The following ZFP64 variants were observed in gnomAD, a reference collection of about 807,000 sequenced individuals.
ZFP64 encodes ZFP64 zinc finger protein.
In ZFP64, 14 loss-of-function variants were observed where a neutral mutation model predicts 51.6. That is an observed-to-expected ratio of 0.27 (90% confidence interval 0.18 to 0.42). The LOEUF is 0.42. Among genes scored for constraint, ZFP64 ranks in the 10% least tolerant of loss-of-function variants. The pLI is 1.00. For synonymous variants in ZFP64, 375 were observed against 361.4 expected, an observed-to-expected ratio of 1.04 and a Z score of -0.43; for missense variants, 754 against 906.8, an observed-to-expected ratio of 0.83 and a Z score of 2.16.
At chr20:52,097,111 C>T in intron 7 of ZFP64, 1 of 685,200 alleles carries the variant, frequency 1.5e-6, no homozygotes. Context: ...AGCTGGCTGC[C>T]CTAAAAAAAA....
chr20:52,089,098 G>T, intron 7 of ZFP64: 1 of 509,268 alleles, frequency 2.0e-6, no homozygotes, highest in Non-Finnish European at 3.9e-6. Context: ...CAAGGGCCTG[G>T]TAAGTTAGAG....
chr20:52,138,445 T>C (rs555171271), intron 5 of ZFP64, among the ~76,000 whole-genome samples: 2 of 151,172 alleles, frequency 1.3e-5, no homozygotes, highest in South Asian at 2.1e-4. Context: ...AGATACTGAA[T>C]AACAGAATGG....
chr20:52,187,092 G>A lies in ZFP64; in HGVS notation c.47-21C>T, dbSNP rs367710417. 939 of 1,590,700 alleles carry A rather than the reference G, an allele frequency of 5.9e-4. 1 individual carries two copies. Among genetic ancestry groups the A allele is most frequent in the Admixed American group, 7.4e-4 (44 of 59,592 alleles). ...TGGAACTCCATGGGACAAAGGGAAAGTAACGGATTAATTCCAAACAGCTTT... is the reference window on the plus strand; with the variant it reads ...TGGAACTCCATGGGACAAAGGGAAAATAACGGATTAATTCCAAACAGCTTT... On this transcript the variant is annotated intron_variant, in intron 1 of 5. Transcript: ENST00000216923.
chr20:52,152,849 C>G lies in ZFP64; in HGVS notation c.1343G>C (p.Ser448Thr). 6.2e-7 allele frequency: 1 copy of G among 1,614,196 alleles called. No individual in the cohort carries two copies. The highest frequency in any genetic ancestry group is 8.5e-7 in the Non-Finnish European group (1 of 1,180,036). ...CGAGTTCTTACTCTCACTGTACTCA[C>G]TGTGCTGTCTCTTGTGGCTGCGGAG... ...DSLRSHKRQH[S>T]EYSESKNSDV... Residue 448 changes from serine to threonine, a missense_variant, in exon 6 of 6, where the codon AGT (serine) becomes ACT (threonine). Around this residue, in one of 3 missense-constraint regions of ZFP64, gnomAD observed 428 missense variants for 472.4 expected, o/e 0.91. Transcript: ENST00000216923.
intron 5 of ZFP64, among the ~76,000 whole-genome samples, chr20:52,123,729 TTG>T (rs1381485253): frequency 6.6e-6 from 1 of 152,204 alleles, no homozygotes. Context: ...CTCATAAACA[TTG>T]GAGTCCTGGT....
chr20:52,145,698 T>C (rs1980490924), intron 5 of ZFP64, among the ~76,000 whole-genome samples: 1 of 152,234 alleles, frequency 6.6e-6, no homozygotes, highest in Admixed American at 6.5e-5. Context: ...GATAAAAATA[T>C]GGTGCACCTG....
chr20:52,124,132 A>G lies in ZFP64; in HGVS notation c.764-25545T>C, dbSNP rs181085050. ...CGATCCGCCTGCCTCGGCCTCCCAA[A>G]GTGCTGGGCTAGTAAACTTTTCTTA... On this transcript the variant is annotated intron_variant, in intron 5 of 8. Transcript: ENST00000361387. Among the ~76,000 whole-genome samples the G allele has an allele frequency of 1.5e-3, 235 of 151,624 alleles. 1 individual carries two copies. The highest frequency in any genetic ancestry group is 5.5e-3 in the African/African-American group (227 of 41,370).
At chr20:52,140,997 C>A (rs137869065) in intron 5 of ZFP64, among the ~76,000 whole-genome samples, 76 of 152,238 alleles carry the variant, frequency 5.0e-4, no homozygotes, top group African/African-American at 1.7e-3. Flanking sequence ...TGTCTAGGCT[C>A]TAAAAATGGA....
intron 7 of ZFP64, among the ~76,000 whole-genome samples, chr20:52,090,597 G>A (rs1258351374): frequency 1.3e-5 from 2 of 151,990 alleles, no homozygotes; most frequent in South Asian, 2.1e-4. Flanking sequence ...TCAGGAGTTC[G>A]AGACCAGCCT....
In ZFP64 at chr20:52,152,436, G is replaced by T. The variant is rs371444820; in HGVS notation, c.1756C>A (p.Leu586Ile). Reference sequence around the variant, plus strand: ...GGGCCACCTGAGGCCGTGGGGATGAGAGTCTGGTGCAGAGTGGCTCCGTCC... The same window carrying T: ...GGGCCACCTGAGGCCGTGGGGATGATAGTCTGGTGCAGAGTGGCTCCGTCC... ...QTDGATLHQT[L>I]IPTASGGPQE... Residue 586 changes from leucine (L) to isoleucine (I), a missense_variant, in exon 6 of 6, where the codon CTC becomes ATC. Leu to Ile is a conservative substitution (Grantham distance 5). Around this residue, in one of 3 missense-constraint regions of ZFP64, gnomAD observed 428 missense variants for 472.4 expected, o/e 0.91. Coordinates refer to ENST00000216923, the MANE Select transcript of ZFP64 (RefSeq NM_018197.3). 2 of 1,614,178 alleles carry T rather than the reference G, an allele frequency of 1.2e-6. No individual in the cohort carries two copies. The highest frequency in any genetic ancestry group is 1.7e-6 in the Non-Finnish European group (2 of 1,180,042).
At position 52,153,322 on chromosome 20, in the gene ZFP64, C is replaced by G. The variant is rs749665920; in HGVS notation, c.870G>C (p.Glu290Asp). 4 of 1,614,220 alleles carry G rather than the reference C, an allele frequency of 2.5e-6. No homozygotes were observed. The East Asian group carries it at 8.9e-5, about 36-fold the overall frequency. ...TCATGGTGCAGCGGACATTGCAGAA[C>G]TCGCACTTGAAAGGCTTCTCCCCCG... ...VHSGEKPFKCEFCNVRCTMKG... is the reference protein window; with the variant it reads ...VHSGEKPFKCDFCNVRCTMKG... The change falls in exon 6 of 6, where the codon GAG becomes GAC. Residue 290 changes from glutamate to aspartate, a missense_variant. Transcript: ENST00000216923. This position sits in a 1 kb window ranked among gnomAD's most constrained non-coding sequence, Gnocchi z 5.1.
intron 2 of ZFP64, among the ~76,000 whole-genome samples, chr20:52,174,014 T>C (rs982582444): frequency 1.3e-5 from 2 of 152,160 alleles, no homozygotes; most frequent in African/African-American, 2.4e-5. Context: ...TTTGAGAAAT[T>C]ATTAAATGAC....
chr20:52,111,091 G>A (rs1296272787), intron 5 of ZFP64: 11 of 990,954 alleles, frequency 1.1e-5, no homozygotes, highest in Non-Finnish European at 1.7e-5. Flanking sequence ...AAGGGGAAGC[G>A]GCAGGGAGAG....
intron 7 of ZFP64, among the ~76,000 whole-genome samples, chr20:52,096,070 A>T (rs2078985212): frequency 6.6e-6 from 1 of 152,230 alleles, no homozygotes; most frequent in African/African-American, 2.4e-5. Context: ...CCCAGGCAAA[A>T]GTGGCCCTCT....
intron 2 of ZFP64, among the ~76,000 whole-genome samples, chr20:52,178,031 CAAAA>C (rs112472792): frequency 1.2e-5 from 1 of 86,166 alleles, no homozygotes. Flanking sequence ...GCCTCTGTCT[CAAAA>C]AAAAAAAAAA....
At chr20:52,119,533 A>ATATATATATATATAT (rs1555802531) in intron 5 of ZFP64, among the ~76,000 whole-genome samples, 2 of 89,840 alleles carry the variant, frequency 2.2e-5, no homozygotes, top group African/African-American at 9.5e-5. Context: ...AAAAAAAAAA[A>ATATATATATATATAT]ATATATATAT....
intron 5 of ZFP64, among the ~76,000 whole-genome samples, chr20:52,102,107 C>CAAAAAAAGAA (rs2079058218): frequency 1.6e-5 from 1 of 63,438 alleles, no homozygotes; most frequent in African/African-American, 6.8e-5. Flanking sequence ...ACTCCATCTC[C>CAAAAAAAGAA]AAAAAAAAAA....
intron 2 of ZFP64, among the ~76,000 whole-genome samples, chr20:52,177,899 GT>G (rs1337329019): frequency 6.6e-6 from 1 of 152,036 alleles, no homozygotes; most frequent in African/African-American, 2.4e-5. Context: ...GGGTGTGGCA[GT>G]GGGTGCCTGT....
chr20:52,149,551 C>T (rs1046084299), downstream of ZFP64, among the ~76,000 whole-genome samples: 1 of 152,132 alleles, frequency 6.6e-6, no homozygotes, highest in Non-Finnish European at 1.5e-5. Context: ...TTTGAGTCTA[C>T]GTATATTGGT....
Sources: gnomAD v4.1 joint callset for allele counts (sites outside exome capture counted in the v4.1 genomes callset) on GRCh38, gnomAD v4.1.1 for gene constraint, gnomAD v4.1.1 regional missense constraint, Gnocchi (gnomAD v3.1) non-coding constraint, MANE v1.5 for transcripts, NCBI Gene and HGNC (gene_info 2026-07-23, HGNC 2026-07-21) for gene names.